Variants in ABTB3 observed in about 807,000 individuals in gnomAD.
The protein encoded by ABTB3 is ankyrin repeat- and BTB/POZ domain-containing protein 3.
At chr12:107,431,146 G>T in the ABTB3 span, among the ~76,000 whole-genome samples, 2 of 152,240 alleles carry the variant, frequency 1.3e-5, no homozygotes, top group South Asian at 4.1e-4. Flanking sequence ...CCAGGTGGGG[G>T]TTATGATTCT....
the ABTB3 span, among the ~76,000 whole-genome samples, chr12:107,557,080 A>T: frequency 6.6e-6 from 1 of 152,190 alleles, no homozygotes. Context: ...GAAACATGTT[A>T]ATCTCCTGAC....
At chr12:107,430,931 C>G in the ABTB3 span, among the ~76,000 whole-genome samples, 8 of 152,212 alleles carry the variant, frequency 5.3e-5, no homozygotes, top group Non-Finnish European at 7.3e-5. Flanking sequence ...TCAACACTTA[C>G]AATTTTTAAA....
chr12:107,535,330 A>G, the ABTB3 span, among the ~76,000 whole-genome samples: 1 of 152,194 alleles, frequency 6.6e-6, no homozygotes, highest in Non-Finnish European at 1.5e-5. Context: ...ATTATATTTA[A>G]TGGGGAAAAG....
the ABTB3 span, among the ~76,000 whole-genome samples, chr12:107,481,408 T>C: frequency 1.3e-5 from 2 of 152,148 alleles, no homozygotes; most frequent in Admixed American, 6.5e-5. Flanking sequence ...CCTGGTTCCC[T>C]CTGAGCACCA....
the ABTB3 span, among the ~76,000 whole-genome samples, chr12:107,469,866 T>TTTTTTCTTTCTTTC: frequency 1.3e-5 from 1 of 75,502 alleles, no homozygotes; most frequent in Non-Finnish European, 2.8e-5. Context: ...TCTTTCTTTC[T>TTTTTTCTTTCTTTC]TTTCTTTCTT....
At chr12:107,548,437 G>C in the ABTB3 span, among the ~76,000 whole-genome samples, 11 of 152,192 alleles carry the variant, frequency 7.2e-5, no homozygotes, top group African/African-American at 2.7e-4. Context: ...TCTTGGCTGA[G>C]GTATTTGGAA....
At chr12:107,446,980 C>T in the ABTB3 span, among the ~76,000 whole-genome samples, 13 of 152,194 alleles carry the variant, frequency 8.5e-5, no homozygotes, top group Admixed American at 8.5e-4. Context: ...TATTCTCATT[C>T]TTTGAAAGGT....
chr12:107,529,070 T>C, the ABTB3 span, among the ~76,000 whole-genome samples: 1 of 148,092 alleles, frequency 6.8e-6, no homozygotes, highest in East Asian at 2.0e-4. Context: ...GTGATAGTGA[T>C]GTAATGGAGG....
the ABTB3 span, among the ~76,000 whole-genome samples, chr12:107,428,304 C>T: frequency 6.6e-6 from 1 of 152,186 alleles, no homozygotes. Flanking sequence ...ATCTCATGCA[C>T]CATAACATAT....
At chr12:107,519,699 C>T in the ABTB3 span, among the ~76,000 whole-genome samples, 1 of 152,152 alleles carries the variant, frequency 6.6e-6, no homozygotes, top group East Asian at 1.9e-4. Flanking sequence ...GCTTTTGACT[C>T]CATCGTGTTT....
At chr12:107,447,702 G>A in the ABTB3 span, among the ~76,000 whole-genome samples, 18,621 of 152,198 alleles carry the variant, frequency 0.12, 2,845 homozygotes, top group African/African-American at 0.36. Flanking sequence ...CTACGACAGA[G>A]CTCACAGGTC....
the ABTB3 span, among the ~76,000 whole-genome samples, chr12:107,350,864 G>T: frequency 1.3e-5 from 2 of 152,156 alleles, no homozygotes; most frequent in Non-Finnish European, 2.9e-5. Context: ...ATTTTAGATG[G>T]AGAGGGTTGT....
the ABTB3 span, among the ~76,000 whole-genome samples, chr12:107,389,095 G>C: frequency 6.6e-6 from 1 of 152,162 alleles, no homozygotes; most frequent in Admixed American, 6.5e-5. Context: ...TGGTAATTGG[G>C]ACTGCACTTC....
At chr12:107,552,508 G>A in the ABTB3 span, among the ~76,000 whole-genome samples, 1 of 152,130 alleles carries the variant, frequency 6.6e-6, no homozygotes, top group Non-Finnish European at 1.5e-5. Context: ...TCACAATATA[G>A]GATCCAGATA....
At chr12:107,336,337 A>G in the ABTB3 span, among the ~76,000 whole-genome samples, 3 of 152,280 alleles carry the variant, frequency 2.0e-5, no homozygotes, top group South Asian at 2.1e-4. Flanking sequence ...TACCCACTCA[A>G]TCGTCTAATC....
At chr12:107,382,835 A>G in the ABTB3 span, among the ~76,000 whole-genome samples, 1 of 152,050 alleles carries the variant, frequency 6.6e-6, no homozygotes, top group Non-Finnish European at 1.5e-5. Context: ...GGTGCAACAA[A>G]CCACCATGGC....
chr12:107,377,414 A>AGTGTGTGTGT, the ABTB3 span, among the ~76,000 whole-genome samples: 312 of 146,616 alleles, frequency 2.1e-3, no homozygotes, highest in Middle Eastern at 3.4e-3. Context: ...AGAGAGCAAG[A>AGTGTGTGTGT]GTGTGTGTGT....
the ABTB3 span, chr12:107,581,113 G>A: frequency 1.9e-6 from 3 of 1,545,826 alleles, no homozygotes; most frequent in East Asian, 4.9e-5. Context: ...CTCCGGGGAG[G>A]CCCTAACGCG....
the ABTB3 span, among the ~76,000 whole-genome samples, chr12:107,389,694 T>C: frequency 1.3e-5 from 2 of 151,786 alleles, no homozygotes; most frequent in Admixed American, 1.3e-4. Flanking sequence ...TGGATGGTTC[T>C]TCTGCTCCAA....
Sources: gnomAD v4.1 joint callset for allele counts (sites outside exome capture counted in the v4.1 genomes callset) on GRCh38, gnomAD v4.1.1 for gene constraint, MANE v1.5 for transcripts, NCBI Gene and HGNC (gene_info 2026-07-23, HGNC 2026-07-21) for gene names.